Variants in FAR2 observed in about 807,000 individuals in gnomAD.
FAR2 encodes fatty acyl-CoA reductase 2.
A neutral mutation model predicts 56.0 loss-of-function variants in FAR2; 19 were observed. The observed-to-expected ratio is 0.34, with a 90% CI of 0.24 to 0.50. The LOEUF is 0.50. Among genes scored for constraint, FAR2 ranks in the 20% least tolerant of loss-of-function variants. The probability of loss-of-function intolerance (pLI) is 0.98; values close to 1 mark genes in which losing one functional copy is unlikely to be tolerated. For synonymous variants in FAR2, 219 were observed against 218.8 expected (o/e 1.00, Z -0.01); for missense variants, 508 against 642.2 (o/e 0.79, Z 2.26).
intron 1 of FAR2, among the ~76,000 whole-genome samples, chr12:29,221,172 C>T (rs951324694): frequency 1.3e-5 from 2 of 152,182 alleles, no homozygotes; most frequent in African/African-American, 4.8e-5. Context: ...TCTTAGTGCG[C>T]ATGCTCAAGC....
At chr12:29,179,241 A>G (rs1949969308) in intron 1 of FAR2, among the ~76,000 whole-genome samples, 1 of 152,160 alleles carries the variant, frequency 6.6e-6, no homozygotes, top group South Asian at 2.1e-4. Flanking sequence ...GCCCATAACA[A>G]TCTCTTAATT....
Position 29,270,576 on chromosome 12 carries a change from C to T in FAR2, c.127C>T (p.Leu43Phe). Residue 43 changes from leucine (L) to phenylalanine (F), a missense_variant, in exon 2 of 12, where the codon CTT becomes TTT. Physicochemically the swap from Leu to Phe is conservative, Grantham distance 22. Transcript: ENST00000536681. ...TSPDLKVIYI[L>F]VRPKAGQTLQ... ...CCCAGACCTGAAAGTCATTTACATC[C>T]TTGTGAGGCCCAAGGCTGGCCAGAC... 2 of 1,614,102 alleles carry T rather than the reference C, an allele frequency of 1.2e-6. No individual in the cohort carries two copies. Among genetic ancestry groups the T allele is most frequent in the Non-Finnish European group, 8.5e-7 (1 of 1,179,976 alleles).
At chr12:29,315,092 AAC>A (rs999222531) in intron 8 of FAR2, among the ~76,000 whole-genome samples, 3 of 152,178 alleles carry the variant, frequency 2.0e-5, no homozygotes, top group Non-Finnish European at 4.4e-5. Context: ...AAAAAAATAA[AAC>A]AGACTAAAGA....
intron 4 of FAR2, among the ~76,000 whole-genome samples, chr12:29,305,698 C>T (rs1949244095): frequency 6.6e-6 from 1 of 152,152 alleles, no homozygotes; most frequent in Middle Eastern, 3.4e-3. Flanking sequence ...TAATTATTGC[C>T]ATTTTCACAA....
intron 10 of FAR2, among the ~76,000 whole-genome samples, chr12:29,327,059 A>G (rs1472171062): frequency 6.6e-6 from 1 of 152,238 alleles, no homozygotes; most frequent in Non-Finnish European, 1.5e-5. Flanking sequence ...GCAAAGTCTC[A>G]GGATAAAAAC....
In FAR2 at chr12:29,270,408, T is replaced by A. The variant is rs984438906; in HGVS notation, c.-38-4T>A. 5 of 1,481,026 alleles carry A rather than the reference T, an allele frequency of 3.4e-6. No individual in the cohort carries two copies. In the African/African-American group the frequency reaches 7.1e-5, roughly 21 times the overall value. 91.7% of individuals were successfully genotyped at this position (1,481,026 alleles called of 1,614,324 possible). A position where few individuals can be genotyped will look rare whatever the true frequency, so the allele number is the denominator to read the frequency against. ...AATCTTTTGTTATTTCTCTTCCTTT[T>A]CAGGAACCTCTTTCAGGAGCTATAA... On this transcript the variant is annotated splice_polypyrimidine_tract_variant and splice_region_variant and intron_variant, in intron 1 of 11. Coordinates refer to ENST00000536681, the MANE Select transcript of FAR2 (RefSeq NM_001271783.2).
intron 2 of FAR2, among the ~76,000 whole-genome samples, chr12:29,288,606 T>G (rs1317976001): frequency 6.6e-6 from 1 of 152,166 alleles, no homozygotes; most frequent in East Asian, 1.9e-4. Flanking sequence ...CCCTTCAGTC[T>G]TGTCATTATT....
chr12:29,221,619 G>T (rs991031527), intron 1 of FAR2, among the ~76,000 whole-genome samples: 1 of 150,898 alleles, frequency 6.6e-6, no homozygotes, highest in African/African-American at 2.5e-5. Flanking sequence ...AATTATTTTA[G>T]ACACTTTATT....
chr12:29,217,354 T>C (rs1278600681), intron 1 of FAR2, among the ~76,000 whole-genome samples: 2 of 152,108 alleles, frequency 1.3e-5, no homozygotes, highest in African/African-American at 4.8e-5. Context: ...GCATGACAGA[T>C]TGCAACAGTA....
At chr12:29,305,053 G>A (rs1275830340) in intron 4 of FAR2, among the ~76,000 whole-genome samples, 2 of 152,146 alleles carry the variant, frequency 1.3e-5, no homozygotes, top group Non-Finnish European at 2.9e-5. Context: ...CCTAGGAAGT[G>A]GCTGGATGAG....
At chr12:29,317,894 CAA>C (rs1949480769) in intron 9 of FAR2, 2 of 152,750 alleles carry the variant, frequency 1.3e-5, no homozygotes, top group South Asian at 2.1e-4. Context: ...AGCCGAGTCT[CAA>C]AGTCAGTATT....
intron 1 of FAR2, among the ~76,000 whole-genome samples, chr12:29,188,300 T>C (rs993823408): frequency 3.3e-5 from 5 of 152,190 alleles, no homozygotes; most frequent in African/African-American, 1.2e-4. Flanking sequence ...TTCGGGTCTA[T>C]CACCACCCAG....
chr12:29,256,098 C>T (rs1311876456), intron 1 of FAR2, among the ~76,000 whole-genome samples: 1 of 152,164 alleles, frequency 6.6e-6, no homozygotes, highest in Non-Finnish European at 1.5e-5. Flanking sequence ...TCATAAACTC[C>T]TGACCTCAGG....
intron 1 of FAR2, among the ~76,000 whole-genome samples, chr12:29,230,288 A>G (rs901979606): frequency 1.3e-5 from 2 of 152,060 alleles, no homozygotes; most frequent in African/African-American, 4.8e-5. Context: ...CTTTCAGCTG[A>G]GGCAGCAGAT....
chr12:29,197,118 G>A (rs1263049768), intron 1 of FAR2, among the ~76,000 whole-genome samples: 3 of 152,156 alleles, frequency 2.0e-5, no homozygotes, highest in Non-Finnish European at 2.9e-5. Flanking sequence ...TATAATGTAT[G>A]AATAGCATAA....
intron 1 of FAR2, among the ~76,000 whole-genome samples, chr12:29,160,824 C>G (rs139946267): frequency 7.5e-4 from 111 of 148,808 alleles, no homozygotes; most frequent in South Asian, 1.9e-3. Flanking sequence ...GATTAGGGAC[C>G]CCCCCCCACT....
chr12:29,210,481 T>A (rs1176563710), intron 1 of FAR2, among the ~76,000 whole-genome samples: 1 of 152,176 alleles, frequency 6.6e-6, no homozygotes, highest in African/African-American at 2.4e-5. Flanking sequence ...ATGTCTTCAG[T>A]TGCTAGTGGT....
intron 3 of FAR2, among the ~76,000 whole-genome samples, chr12:29,296,781 C>T (rs192549970): frequency 1.1e-4 from 16 of 152,220 alleles, no homozygotes; most frequent in African/African-American, 3.9e-4. Flanking sequence ...ACCAATTGTC[C>T]TCTAGATATA....
At chr12:29,177,290 G>C (rs957917916) in intron 1 of FAR2, among the ~76,000 whole-genome samples, 2 of 151,934 alleles carry the variant, frequency 1.3e-5, no homozygotes, top group South Asian at 2.1e-4. Flanking sequence ...TAGCAATGGC[G>C]GGGGGGATCT....
Sources: gnomAD v4.1 joint callset for allele counts (sites outside exome capture counted in the v4.1 genomes callset) on GRCh38, gnomAD v4.1.1 for gene constraint, MANE v1.5 for transcripts, NCBI Gene and HGNC (gene_info 2026-07-23, HGNC 2026-07-21) for gene names.